Variants in PUDP observed in about 807,000 individuals in gnomAD.
The protein encoded by PUDP is pseudouridine 5'-phosphatase.
Under a neutral mutation model 9.4 loss-of-function variants are expected in PUDP, and 8 were observed. That is an observed-to-expected ratio of 0.85 (90% CI 0.50 to 1.53). The LOEUF (loss-of-function observed/expected upper bound fraction) is 1.53. Among genes scored for constraint, PUDP ranks in the 40% most tolerant of loss-of-function variants. PUDP has a pLI of 0.00. For missense variants in PUDP, 188 were observed against 189.7 expected, an observed-to-expected ratio of 0.99 and a Z score of 0.05; for synonymous variants, 99 against 80.7, an observed-to-expected ratio of 1.23 and a Z score of -1.22.
At chrX:6,715,098 C>T (rs951660563) in intron 1 of PUDP, among the ~76,000 whole-genome samples, 1 of 110,350 alleles carries the variant, frequency 9.1e-6, no homozygotes, top group Non-Finnish European at 1.9e-5. Context: ...AATATGTATA[C>T]ACACATATTT....
intron 3 of PUDP, among the ~76,000 whole-genome samples, chrX:6,914,089 T>C (rs6638636): frequency 0.27 from 27,120 of 101,836 alleles, 2,885 homozygotes; most frequent in Admixed American, 0.39. Flanking sequence ...ATGGCGTGAA[T>C]CTGGGAGGCG....
chrX:6,778,008 C>T (rs1925493823), intron 3 of PUDP, among the ~76,000 whole-genome samples: 2 of 111,554 alleles, frequency 1.8e-5, no homozygotes, highest in Non-Finnish European at 3.8e-5. Flanking sequence ...CCCCCCGCCA[C>T]GAACCCAGGC....
intron 3 of PUDP, among the ~76,000 whole-genome samples, chrX:6,882,314 C>T (rs996356490): frequency 1.8e-5 from 2 of 111,768 alleles, no homozygotes; most frequent in African/African-American, 6.5e-5. Context: ...TTACTTTCCA[C>T]CAACCTAATA....
At chrX:6,928,749 T>G (rs970155203) in intron 3 of PUDP, among the ~76,000 whole-genome samples, 1 of 110,559 alleles carries the variant, frequency 9.0e-6, no homozygotes, top group African/African-American at 3.3e-5. Flanking sequence ...ACAAAAAAAA[T>G]TAGCCGGGTG....
intron 2 of PUDP, among the ~76,000 whole-genome samples, chrX:7,080,528 AACAT>A (rs1488109049): frequency 8.9e-6 from 1 of 112,038 alleles, no homozygotes; most frequent in Non-Finnish European, 1.9e-5. Context: ...AGATCTCATG[AACAT>A]ACATACACAT....
intron 3 of PUDP, among the ~76,000 whole-genome samples, chrX:6,931,373 G>A (rs4830386): frequency 0.21 from 23,446 of 110,573 alleles, 1,978 homozygotes; most frequent in Admixed American, 0.35. Context: ...ACGAGGTCTC[G>A]CTATGTTGCC....
intron 3 of PUDP, among the ~76,000 whole-genome samples, chrX:6,900,343 C>T (rs1927659744): frequency 9.7e-6 from 1 of 102,784 alleles, no homozygotes; most frequent in African/African-American, 3.6e-5. Flanking sequence ...GGGGGCGCTG[C>T]TACTGGCATC....
At chrX:7,138,960 C>T (rs1235681648) in intron 1 of PUDP, among the ~76,000 whole-genome samples, 1 of 111,951 alleles carries the variant, frequency 8.9e-6, no homozygotes, top group Non-Finnish European at 1.9e-5. Context: ...CGACTCTCTT[C>T]TATGCTTTAG....
At chrX:7,059,768 CGA>C in intron 3 of PUDP, among the ~76,000 whole-genome samples, 1 of 112,071 alleles carries the variant, frequency 8.9e-6, no homozygotes, top group Admixed American at 9.4e-5. Flanking sequence ...AAAAGCACAG[CGA>C]TGTTTGCCTG....
chrX:6,809,040 T>C (rs763141652), intron 3 of PUDP, among the ~76,000 whole-genome samples: 13 of 111,624 alleles, frequency 1.2e-4, no homozygotes, highest in African/African-American at 3.9e-4. Flanking sequence ...GTGAAGAGAA[T>C]TGAAGGCATC....
At chrX:6,863,484 G>A (rs1398527680) in intron 3 of PUDP, among the ~76,000 whole-genome samples, 2 of 112,250 alleles carry the variant, frequency 1.8e-5, no homozygotes, top group Non-Finnish European at 3.8e-5. Flanking sequence ...ATGCCTCACA[G>A]GTTCTGTATT....
chrX:6,998,202 A>G (rs911295696), intron 1 of PUDP, among the ~76,000 whole-genome samples: 2 of 111,440 alleles, frequency 1.8e-5, no homozygotes, highest in African/African-American at 6.5e-5. Context: ...TTGGATGAGT[A>G]AAAGGATGGT....
At chrX:6,915,411 G>A (rs745365989) in intron 3 of PUDP, among the ~76,000 whole-genome samples, 3 of 112,123 alleles carry the variant, frequency 2.7e-5, no homozygotes, top group Non-Finnish European at 3.8e-5. Flanking sequence ...CCTGCTTAGA[G>A]GGATGCCTCA....
chrX:7,097,069 G>A (rs187500943), intron 2 of PUDP, among the ~76,000 whole-genome samples: 3 of 111,475 alleles, frequency 2.7e-5, no homozygotes, highest in Non-Finnish European at 5.7e-5. Context: ...GTTCCGTCTG[G>A]ACACCTCATG....
At chrX:7,021,898 C>T (rs1020500318) in intron 1 of PUDP, among the ~76,000 whole-genome samples, 1 of 112,350 alleles carries the variant, frequency 8.9e-6, no homozygotes, top group Non-Finnish European at 1.9e-5. Context: ...TGATTTTATG[C>T]AAAATTAATT....
intron 3 of PUDP, among the ~76,000 whole-genome samples, chrX:6,946,676 G>A (rs988385045): frequency 1.8e-5 from 2 of 110,764 alleles, no homozygotes; most frequent in East Asian, 5.7e-4. Flanking sequence ...AAAGAATTAT[G>A]TGTATTATAC....
At chrX:6,872,478 C>T (rs922067222) in intron 3 of PUDP, among the ~76,000 whole-genome samples, 7 of 110,084 alleles carry the variant, frequency 6.4e-5, no homozygotes, top group African/African-American at 2.3e-4. Context: ...GAGGGTGGAT[C>T]ACTTGAGGTC....
At chrX:6,842,419 TG>T (rs1926686023) in intron 3 of PUDP, among the ~76,000 whole-genome samples, 1 of 111,576 alleles carries the variant, frequency 9.0e-6, no homozygotes, top group Admixed American at 9.6e-5. Flanking sequence ...AACCTAATAT[TG>T]ACACTGGGTA....
intron 3 of PUDP, among the ~76,000 whole-genome samples, chrX:6,747,641 G>A (rs952789951): frequency 3.6e-4 from 40 of 111,960 alleles, no homozygotes; most frequent in Non-Finnish European, 7.5e-5. Context: ...ATAATTTTAC[G>A]GGATCATAAT....
Sources: allele counts gnomAD v4.1 joint callset (sites outside exome capture counted in the v4.1 genomes callset), GRCh38; gene constraint gnomAD v4.1.1; transcripts MANE v1.5; gene names NCBI Gene and HGNC (gene_info 2026-07-23, HGNC 2026-07-21).